Variants in TPRG1 observed in about 807,000 individuals in gnomAD.
The protein encoded by TPRG1 is tumor protein p63-regulated gene 1 protein.
In TPRG1, 29 loss-of-function variants were observed where a neutral mutation model predicts 29.3. That is an observed-to-expected ratio of 0.99 (90% confidence interval 0.74 to 1.35). The LOEUF (loss-of-function observed/expected upper bound fraction) is 1.35. TPRG1 is among the 40% of genes most tolerant of loss of function. The pLI, the probability that TPRG1 is intolerant of heterozygous loss-of-function variation, is 0.00. For missense variants in TPRG1, 327 were observed against 335.0 expected (o/e 0.98, Z 0.19); for synonymous variants, 130 against 116.8 (o/e 1.11, Z -0.73).
Position 188,999,041 on chromosome 3 carries a change from A to G in TPRG1, c.-1015-1733A>G, listed in dbSNP as rs1051545923. 8.5e-5 allele frequency among the ~76,000 whole-genome samples: 13 copies of G among 152,342 alleles called. 3 individuals are homozygous for G. The highest frequency in any genetic ancestry group is 6.5e-5 in the Admixed American group (1 of 15,300). On this transcript the variant is annotated intron_variant, in intron 1 of 10. Transcript: ENST00000433971. Reference sequence around the variant, plus strand: ...TCCTAATTACCCATATTTGGTCATTACAATTATTATGTATCAATAAAAAAC... The same window carrying G: ...TCCTAATTACCCATATTTGGTCATTGCAATTATTATGTATCAATAAAAAAC...
chr3:189,085,429 G>A (rs1297956517), intron 4 of TPRG1, among the ~76,000 whole-genome samples: 4 of 148,610 alleles, frequency 2.7e-5, no homozygotes, highest in East Asian at 2.0e-4. Flanking sequence ...TGGATTCCTC[G>A]TGTCTGTGTG....
chr3:189,265,551 G>C (rs774376322), intron 4 of TPRG1, among the ~76,000 whole-genome samples: 4 of 152,090 alleles, frequency 2.6e-5, no homozygotes, highest in Non-Finnish European at 5.9e-5. Flanking sequence ...TTAGTTATTG[G>C]GGGAAGCCAC....
At chr3:189,016,388 T>C (rs1196124957) in intron 3 of TPRG1, among the ~76,000 whole-genome samples, 1 of 152,036 alleles carries the variant, frequency 6.6e-6, no homozygotes, top group Admixed American at 6.6e-5. Flanking sequence ...TCTTTTTGAT[T>C]TTATAGGCTC....
intron 3 of TPRG1, among the ~76,000 whole-genome samples, chr3:189,019,583 C>T (rs1316060152): frequency 1.3e-5 from 2 of 152,126 alleles, no homozygotes; most frequent in Non-Finnish European, 2.9e-5. Flanking sequence ...GGATGAAGCC[C>T]ACTTGATCAT....
At chr3:189,070,220 G>A (rs1716727624) in intron 4 of TPRG1, among the ~76,000 whole-genome samples, 1 of 152,168 alleles carries the variant, frequency 6.6e-6, no homozygotes, top group Non-Finnish European at 1.5e-5. Flanking sequence ...CAAAATGTTA[G>A]AAATGGAGGA....
At chr3:189,018,682 T>C (rs2152124050) in intron 3 of TPRG1, among the ~76,000 whole-genome samples, 1 of 151,784 alleles carries the variant, frequency 6.6e-6, no homozygotes, top group Non-Finnish European at 1.5e-5. Flanking sequence ...CCAGCTTTGT[T>C]CTTTTGGCTT....
intron 3 of TPRG1, among the ~76,000 whole-genome samples, chr3:189,014,903 A>G (rs1712843045): frequency 6.6e-6 from 1 of 152,184 alleles, no homozygotes; most frequent in Non-Finnish European, 1.5e-5. Context: ...GGAATACTAC[A>G]GAAAATTGGT....
intron 1 of TPRG1, among the ~76,000 whole-genome samples, chr3:189,174,856 C>T (rs558170689): frequency 1.1e-4 from 16 of 152,080 alleles, no homozygotes; most frequent in African/African-American, 3.1e-4. Context: ...TTTACTCAAT[C>T]GATCAATGGC....
intron 5 of TPRG1, among the ~76,000 whole-genome samples, chr3:189,314,297 A>G (rs1723145639): frequency 1.3e-5 from 2 of 152,166 alleles, no homozygotes; most frequent in African/African-American, 4.8e-5. Flanking sequence ...CTGGTGATAT[A>G]GGTTTGAGAT....
chr3:189,002,494 A>G (rs1013911898), intron 2 of TPRG1, among the ~76,000 whole-genome samples: 6 of 152,124 alleles, frequency 3.9e-5, no homozygotes, highest in African/African-American at 1.4e-4. Flanking sequence ...TTCAGTTTCT[A>G]GAGTCATACT....
At chr3:189,253,347 G>T (rs1742579999) in intron 4 of TPRG1, among the ~76,000 whole-genome samples, 1 of 152,044 alleles carries the variant, frequency 6.6e-6, no homozygotes. Context: ...CCACTTATGT[G>T]GTGTTTGGTT....
intron 4 of TPRG1, among the ~76,000 whole-genome samples, chr3:189,033,837 A>G (rs950449995): frequency 2.6e-5 from 4 of 152,082 alleles, no homozygotes; most frequent in Non-Finnish European, 5.9e-5. Context: ...CGGCCTCCCA[A>G]AGTGCTGGGA....
At chr3:189,137,774 G>A (rs1343909121) in intron 3 of TPRG1, among the ~76,000 whole-genome samples, 2 of 152,092 alleles carry the variant, frequency 1.3e-5, no homozygotes, top group African/African-American at 2.4e-5. Context: ...CCCTTCTCGT[G>A]TCTCTGTATG....
rs892634351 is a variant in TPRG1 at position 189,069,721 on chromosome 3, C to T, written c.-463+45775C>T. Reference sequence around the variant, plus strand: ...TCATAGCAACTTTCTTCATAATAGCCCCAATCTAGAAATAGCCTAGATGTG... The same window carrying T: ...TCATAGCAACTTTCTTCATAATAGCTCCAATCTAGAAATAGCCTAGATGTG... On this transcript the variant is annotated intron_variant, in intron 4 of 10. Coordinates refer to the TPRG1 transcript ENST00000433971. Among the ~76,000 whole-genome samples, 5 of 152,054 alleles carry T rather than the reference C, an allele frequency of 3.3e-5. No individual in the cohort carries two copies. The East Asian group carries it at 9.6e-4, about 29-fold the overall frequency.
intron 2 of TPRG1, among the ~76,000 whole-genome samples, chr3:189,002,673 C>T (rs142637107): frequency 5.3e-5 from 8 of 152,148 alleles, no homozygotes; most frequent in African/African-American, 1.2e-4. Context: ...ATAAATTACC[C>T]GAAGGAATTT....
At chr3:189,076,923 C>CATAT (rs150949911) in intron 4 of TPRG1, among the ~76,000 whole-genome samples, 10,357 of 140,524 alleles carry the variant, frequency 0.074, 420 homozygotes, top group African/African-American at 0.12. Flanking sequence ...TATATGTGTA[C>CATAT]ATATATATAT....
At chr3:189,274,027 G>C (rs1157551115) in intron 4 of TPRG1, among the ~76,000 whole-genome samples, 1 of 151,780 alleles carries the variant, frequency 6.6e-6, no homozygotes, top group Non-Finnish European at 1.5e-5. Context: ...AAATTATGTT[G>C]AATGGCCTCA....
intron 1 of TPRG1, among the ~76,000 whole-genome samples, chr3:189,121,020 T>G (rs771261586): frequency 6.6e-6 from 1 of 152,160 alleles, no homozygotes; most frequent in Non-Finnish European, 1.5e-5. Context: ...CAGTACTACA[T>G]TGAGCAAAAA....
At chr3:189,300,435 T>A (rs1423917012) in intron 4 of TPRG1, among the ~76,000 whole-genome samples, 1 of 152,212 alleles carries the variant, frequency 6.6e-6, no homozygotes, top group Non-Finnish European at 1.5e-5. Context: ...TACATGCTCA[T>A]TACAGAAAGT....
Sources: allele counts gnomAD v4.1 joint callset (sites outside exome capture counted in the v4.1 genomes callset), GRCh38; gene constraint gnomAD v4.1.1; transcripts MANE v1.5; gene names NCBI Gene and HGNC (gene_info 2026-07-23, HGNC 2026-07-21).